PSIP1: variants seen among roughly 807,000 people sequenced by gnomAD.
PSIP1 encodes the protein PC4 and SRSF1 interacting protein 1, also known as PC4 and SFRS1-interacting protein.
Under a neutral mutation model 74.7 loss-of-function variants are expected in PSIP1, and 19 were observed. That is an observed-to-expected ratio of 0.25 (90% confidence interval 0.18 to 0.37). The LOEUF (loss-of-function observed/expected upper bound fraction) is 0.37. Among genes scored for constraint, PSIP1 ranks in the 10% least tolerant of loss-of-function variants. The pLI, the probability that PSIP1 is intolerant of heterozygous loss-of-function variation, is 1.00. For missense variants in PSIP1, 601 were observed against 614.3 expected (o/e 0.98, Z 0.23); for synonymous variants, 222 against 195.3 (o/e 1.14, Z -1.14).
chr9:15,493,975 A>C (rs1220432782), intron 3 of PSIP1, among the ~76,000 whole-genome samples: 1 of 152,146 alleles, frequency 6.6e-6, no homozygotes, highest in Non-Finnish European at 1.5e-5. Context: ...TCTCCTCCCC[A>C]CATCAGTGAG....
intron 3 of PSIP1, among the ~76,000 whole-genome samples, chr9:15,495,542 A>C (rs558862693): frequency 2.0e-5 from 3 of 152,318 alleles, no homozygotes; most frequent in African/African-American, 7.2e-5. Context: ...CACTGATATT[A>C]AAGTGTATCA....
intron 3 of PSIP1, among the ~76,000 whole-genome samples, chr9:15,494,025 A>G (rs534122163): frequency 6.6e-6 from 1 of 152,338 alleles, no homozygotes; most frequent in African/African-American, 2.4e-5. Flanking sequence ...AGACGTAAGT[A>G]TGTTGATAAT....
At chr9:15,510,094 C>A (rs1425430787) in intron 2 of PSIP1, 23 bp downstream of exon 2, 6 of 1,596,752 alleles carry the variant, frequency 3.8e-6, no homozygotes, top group Admixed American at 1.7e-5. Context: ...CACTGCTAAG[C>A]GCGAGGGCTA....
At chr9:15,509,287 T>C (rs375429280) in intron 2 of PSIP1, among the ~76,000 whole-genome samples, 6 of 152,336 alleles carry the variant, frequency 3.9e-5, no homozygotes, top group African/African-American at 1.4e-4. Context: ...TTGCAACATA[T>C]CTTAGGTCCT....
rs780981326 is a variant in PSIP1 at position 15,489,943 on chromosome 9, A to G, written c.288+43T>C. On this transcript the variant is annotated intron_variant, in intron 4 of 15. Coordinates refer to ENST00000380733, the MANE Select transcript of PSIP1 (RefSeq NM_033222.5). ...ACAGCTAGGATAGTGATTATTCCCC[A>G]GGATTAAATAAGTAATATCAAATTT... is the stretch of plus-strand genomic sequence containing the variant. The G allele has an allele frequency of 8.5e-6, 12 of 1,413,064 alleles. No individual in the cohort carries two copies. The East Asian group carries it at 2.7e-4, about 32-fold the overall frequency. 87.5% of individuals were successfully genotyped at this position (1,413,064 alleles called of 1,614,324 possible).
In PSIP1 at chr9:15,469,926, G is replaced by A. The variant is rs775664041; in HGVS notation, c.1033+12C>T. 6 of 1,599,132 alleles carry A rather than the reference G, an allele frequency of 3.8e-6. No individual in the cohort carries two copies. Among genetic ancestry groups the A allele is most frequent in the East Asian group, 2.2e-5 (1 of 44,716 alleles). Reference sequence around the variant, plus strand: ...TATAATTTTATGTATCTTAGAAAGTGAAATAACTAACCTCGCTTCTTCTCC... The same window carrying A: ...TATAATTTTATGTATCTTAGAAAGTAAAATAACTAACCTCGCTTCTTCTCC... On this transcript the variant is annotated intron_variant, in intron 11 of 15. Coordinates refer to ENST00000380733, the MANE Select transcript of PSIP1 (RefSeq NM_033222.5).
chr9:15,471,304 G>C (rs759603600), intron 10 of PSIP1: 1 of 1,568,908 alleles, frequency 6.4e-7, no homozygotes, highest in Admixed American at 1.7e-5. Flanking sequence ...ATGCTTTACA[G>C]AGCAAAACTG....
In PSIP1 at chr9:15,469,930, T is replaced by A. The variant is rs887075382; in HGVS notation, c.1033+8A>T. ...ATTTTATGTATCTTAGAAAGTGAAA[T>A]AACTAACCTCGCTTCTTCTCCACTT... is the stretch of plus-strand genomic sequence containing the variant. On this transcript the variant is annotated splice_region_variant and intron_variant, in intron 11 of 15. Coordinates refer to ENST00000380733, the MANE Select transcript of PSIP1 (RefSeq NM_033222.5). The A allele has an allele frequency of 6.2e-7, 1 of 1,602,268 alleles. No homozygotes were observed. The highest frequency in any genetic ancestry group is 8.5e-7 in the Non-Finnish European group (1 of 1,173,108).
chr9:15,510,156 G>A lies in PSIP1; in HGVS notation c.33C>T (p.Ile11=), dbSNP rs775108145. 1.9e-6 allele frequency: 3 copies of A among 1,608,914 alleles called. No homozygotes were observed. The highest frequency in any genetic ancestry group is 2.3e-5 in the East Asian group (1 of 44,338). ...GGGGATAACCTTTCATCTTGGCGAA[G>A]ATGAGGTCTCCAGGTTTGAAATCGC... MTRDFKPGDL[I]FAKMKGYPHW... Residue 11 remains isoleucine (I), a synonymous_variant, in exon 2 of 16, where the codon ATC becomes ATT. Coordinates refer to ENST00000380733, the MANE Select transcript of PSIP1 (RefSeq NM_033222.5).
chr9:15,497,325 C>CTTTTTTTTTTTTTTTTGTTTTTT (rs2037127085), intron 3 of PSIP1, among the ~76,000 whole-genome samples: 1 of 118,594 alleles, frequency 8.4e-6, no homozygotes, highest in Non-Finnish European at 1.7e-5. Context: ...TCTATGATTC[C>CTTTTTTTTTTTTTTTTGTTTTTT]TTTTTTTTTT....
At chr9:15,470,623 T>C (rs1013995549) in intron 10 of PSIP1, 7 of 952,460 alleles carry the variant, frequency 7.3e-6, no homozygotes, top group South Asian at 4.9e-5. Context: ...ACAAAAAATA[T>C]CTAAAAATCA....
intron 3 of PSIP1, chr9:15,506,338 T>C (rs1272912374): frequency 5.2e-6 from 2 of 386,886 alleles, no homozygotes; most frequent in South Asian, 6.5e-5. Flanking sequence ...GCTCAGAGAA[T>C]TTCTACTTTC....
chr9:15,500,253 C>T (rs561572252), intron 3 of PSIP1, among the ~76,000 whole-genome samples: 188 of 152,230 alleles, frequency 1.2e-3, no homozygotes, highest in African/African-American at 4.5e-3. Flanking sequence ...ATCATGACGT[C>T]AGGAGATCAA....
chr9:15,473,001 C>G (rs568050885), intron 9 of PSIP1, among the ~76,000 whole-genome samples: 1 of 152,282 alleles, frequency 6.6e-6, no homozygotes, highest in South Asian at 2.1e-4. Context: ...TATAGTATGT[C>G]AGTCTGTTTG....
At position 15,465,405 on chromosome 9, in the gene PSIP1, A is replaced by G; in HGVS notation, c.*115T>C. 3.3e-6 allele frequency: 3 copies of G among 908,996 alleles called. No individual in the cohort carries two copies. Among genetic ancestry groups the G allele is most frequent in the Non-Finnish European group, 5.1e-6 (3 of 587,618 alleles). The allele number at this position is 908,996 out of a possible 1,614,324, so 56.3% of individuals were successfully genotyped here. A position where few individuals can be genotyped will look rare whatever the true frequency, so the allele number is the denominator to read the frequency against. Reference sequence around the variant, plus strand: ...AAACAAAGGGATTTTCTCCCTCAAAACAAGTTTTCAACATCAAACCTATGC... The same window carrying G: ...AAACAAAGGGATTTTCTCCCTCAAAGCAAGTTTTCAACATCAAACCTATGC... On this transcript the variant is annotated 3_prime_UTR_variant, in exon 16 of 16. Transcript: ENST00000380733.
At chr9:15,491,462 A>C (rs565584494) in intron 3 of PSIP1, among the ~76,000 whole-genome samples, 2 of 152,352 alleles carry the variant, frequency 1.3e-5, no homozygotes, top group East Asian at 3.9e-4. Context: ...AACAAGTACT[A>C]CTGATCTGGG....
intron 3 of PSIP1, among the ~76,000 whole-genome samples, chr9:15,504,504 G>A (rs918445653): frequency 6.6e-6 from 1 of 152,078 alleles, no homozygotes; most frequent in South Asian, 2.1e-4. Flanking sequence ...TTAGGAGGCC[G>A]AGGTGGGCAG....
At position 15,469,280 on chromosome 9, in the gene PSIP1, T is replaced by G; in HGVS notation, c.1090A>C (p.Lys364Gln). The G allele has an allele frequency of 6.4e-7, 1 of 1,560,906 alleles. No individual in the cohort carries two copies. Among genetic ancestry groups the G allele is most frequent in the East Asian group, 2.2e-5 (1 of 44,520 alleles). The change falls in exon 12 of 16, where the codon AAA becomes CAA. Residue 364 changes from lysine (K) to glutamine (Q), a missense_variant. Physicochemically the swap from Lys to Gln is moderately conservative, Grantham distance 53 (BLOSUM62 1). Coordinates refer to ENST00000380733, the MANE Select transcript of PSIP1 (RefSeq NM_033222.5). Reference sequence around the variant, plus strand: ...TAAACACTTACAAGATTATCAATTTTGAGTGAATTTTTAATCTCAGCATGT... The same window carrying G: ...TAAACACTTACAAGATTATCAATTTGGAGTGAATTTTTAATCTCAGCATGT... ...RIHAEIKNSL[K>Q]IDNLDVNRCI...
At chr9:15,509,038 A>G (rs991829695) in intron 2 of PSIP1, among the ~76,000 whole-genome samples, 6 of 152,258 alleles carry the variant, frequency 3.9e-5, no homozygotes, top group Non-Finnish European at 8.8e-5. Flanking sequence ...GTCAAGGAAC[A>G]GTGATCGTTT....
Sources: allele counts gnomAD v4.1 joint callset (sites outside exome capture counted in the v4.1 genomes callset), GRCh38; gene constraint gnomAD v4.1.1; transcripts MANE v1.5; gene names NCBI Gene and HGNC (gene_info 2026-07-23, HGNC 2026-07-21).